Variants in PRKCA observed in about 807,000 individuals in gnomAD.
The protein encoded by PRKCA is protein kinase C alpha type.
In PRKCA, 27 loss-of-function variants were observed where a neutral mutation model predicts 87.0. That is an observed-to-expected ratio of 0.31 (90% CI 0.23 to 0.43). The LOEUF (loss-of-function observed/expected upper bound fraction) is 0.43, where lower values mean the gene tolerates loss of function less well. Ranked by LOEUF, PRKCA falls within the 20% of genes least tolerant of loss-of-function variation. The pLI, the probability that PRKCA is intolerant of heterozygous loss-of-function variation, is 1.00. For missense variants in PRKCA, 518 were observed against 852.3 expected (o/e 0.61, Z 4.88); for synonymous variants, 329 against 311.1 (o/e 1.06, Z -0.61).
At chr17:66,346,661 G>A (rs189521237) in intron 2 of PRKCA, among the ~76,000 whole-genome samples, 80 of 152,198 alleles carry the variant, frequency 5.3e-4, no homozygotes, top group Non-Finnish European at 1.0e-3. Flanking sequence ...CTATGATACT[G>A]GAAATCCATT....
chr17:66,700,777 A>G (rs1973040550), intron 8 of PRKCA, among the ~76,000 whole-genome samples: 1 of 152,180 alleles, frequency 6.6e-6, no homozygotes, highest in Non-Finnish European at 1.5e-5. Context: ...AATAGAAAAC[A>G]CTGATGAAAG....
At chr17:66,410,990 C>T (rs1284726400) in intron 2 of PRKCA, among the ~76,000 whole-genome samples, 1 of 152,140 alleles carries the variant, frequency 6.6e-6, no homozygotes, top group Non-Finnish European at 1.5e-5. Context: ...ACCCACAGAG[C>T]CTGAGTGAGC....
intron 2 of PRKCA, among the ~76,000 whole-genome samples, chr17:66,332,950 C>T (rs892272226): frequency 1.3e-5 from 2 of 152,164 alleles, no homozygotes; most frequent in African/African-American, 4.8e-5. Context: ...CTTGGCCTCC[C>T]GAAGTGCTGG....
chr17:66,415,474 C>T (rs1912082488), intron 2 of PRKCA: 1 of 152,124 alleles, frequency 6.6e-6, no homozygotes. Flanking sequence ...TAACTTTTGG[C>T]CCAAAGGTAG....
intron 13 of PRKCA, among the ~76,000 whole-genome samples, chr17:66,761,250 G>T (rs1974676962): frequency 6.6e-6 from 1 of 151,068 alleles, no homozygotes; most frequent in Admixed American, 6.6e-5. Flanking sequence ...TGTGCCTGTG[G>T]TCCTAGCTAC....
chr17:66,407,010 G>A (rs187463497), intron 2 of PRKCA, among the ~76,000 whole-genome samples: 16 of 152,140 alleles, frequency 1.1e-4, no homozygotes, highest in Non-Finnish European at 1.8e-4. Context: ...GACACTCTTC[G>A]TTGCTTTAAA....
At chr17:66,775,519 A>C (rs1348452543) in intron 14 of PRKCA, 8 of 985,182 alleles carry the variant, frequency 8.1e-6, no homozygotes, top group Non-Finnish European at 9.6e-6. Context: ...CACCCAGCAG[A>C]TCTCTGCCTT....
chr17:66,587,456 T>C (rs2143508172), intron 3 of PRKCA, among the ~76,000 whole-genome samples: 1 of 152,276 alleles, frequency 6.6e-6, no homozygotes, highest in South Asian at 2.1e-4. Context: ...TCCATATTGA[T>C]TTATGTAGAT....
chr17:66,783,378 A>T (rs1975290132), intron 14 of PRKCA, among the ~76,000 whole-genome samples: 1 of 152,246 alleles, frequency 6.6e-6, no homozygotes, highest in Non-Finnish European at 1.5e-5. Context: ...ACCCAGGAAG[A>T]TGCTGTAGGA....
At chr17:66,733,023 C>T (rs532087147) in intron 9 of PRKCA, among the ~76,000 whole-genome samples, 198 bp downstream of exon 9, 12 of 151,870 alleles carry the variant, frequency 7.9e-5, no homozygotes, top group East Asian at 3.9e-4. Flanking sequence ...TGGTGGTGGG[C>T]GCCTGTAGTC....
At chr17:66,441,022 C>T (rs76200175) in intron 2 of PRKCA, among the ~76,000 whole-genome samples, 76 of 151,776 alleles carry the variant, frequency 5.0e-4, no homozygotes, top group Admixed American at 9.8e-4. Flanking sequence ...ATTAGCCGGG[C>T]GTGGTAGCAG....
At chr17:66,543,777 C>G (rs1161455827) in intron 3 of PRKCA, among the ~76,000 whole-genome samples, 2 of 152,196 alleles carry the variant, frequency 1.3e-5, no homozygotes, top group Non-Finnish European at 1.5e-5. Context: ...ATAGAAAAGG[C>G]TACACCCCAA....
intron 14 of PRKCA, among the ~76,000 whole-genome samples, chr17:66,776,852 G>A (rs758689332): frequency 6.6e-6 from 1 of 152,196 alleles, no homozygotes; most frequent in Non-Finnish European, 1.5e-5. Context: ...TGGGAGGGGC[G>A]GCATGTGCAG....
At chr17:66,524,638 C>T (rs998067867) in intron 3 of PRKCA, among the ~76,000 whole-genome samples, 1 of 152,174 alleles carries the variant, frequency 6.6e-6, no homozygotes, top group African/African-American at 2.4e-5. Context: ...TCACTGCTTG[C>T]CTTTTATGGG....
chr17:66,349,457 A>G (rs1007350628), intron 2 of PRKCA, among the ~76,000 whole-genome samples: 1 of 151,284 alleles, frequency 6.6e-6, no homozygotes, highest in Non-Finnish European at 1.5e-5. Context: ...TGGCTTGGTG[A>G]GTATGGAGCT....
At chr17:66,420,511 G>A (rs937672522) in intron 2 of PRKCA, among the ~76,000 whole-genome samples, 5 of 152,112 alleles carry the variant, frequency 3.3e-5, no homozygotes, top group Admixed American at 2.0e-4. Flanking sequence ...TTTCAGCACA[G>A]CATTCAGTAA....
At chr17:66,777,471 C>T (rs1209408625) in intron 14 of PRKCA, 6 of 966,614 alleles carry the variant, frequency 6.2e-6, no homozygotes, top group East Asian at 2.6e-4. Context: ...CAAATACGTC[C>T]GGGTGTAAAC....
At chr17:66,535,028 A>G (rs1415697062) in intron 3 of PRKCA, among the ~76,000 whole-genome samples, 3 of 152,340 alleles carry the variant, frequency 2.0e-5, no homozygotes, top group Non-Finnish European at 4.4e-5. Context: ...TGTGTTACCT[A>G]TAAGGTGCTG....
At position 66,804,122 on chromosome 17, in the gene PRKCA, C is replaced by A. The variant is rs555069111; in HGVS notation, c.*85C>A. 2.6e-6 allele frequency: 4 copies of A among 1,510,026 alleles called. No individual in the cohort carries two copies. The South Asian group carries it at 5.2e-5, about 20-fold the overall frequency. The allele number at this position is 1,510,026 out of a possible 1,614,324, so 93.5% of individuals were successfully genotyped here. On this transcript the variant is annotated 3_prime_UTR_variant, in exon 17 of 17. Transcript: ENST00000413366. Reference sequence around the variant, plus strand: ...AATCCTTAACCCTAAAATTTTAAGGCCACGGCCTTGTGTCTGATTCCATAT... The same window carrying A: ...AATCCTTAACCCTAAAATTTTAAGGACACGGCCTTGTGTCTGATTCCATAT...
Sources: allele counts gnomAD v4.1 joint callset (sites outside exome capture counted in the v4.1 genomes callset), GRCh38; gene constraint gnomAD v4.1.1; transcripts MANE v1.5; gene names NCBI Gene and HGNC (gene_info 2026-07-23, HGNC 2026-07-21).